The following CTNNA3 variants were observed in gnomAD, a reference collection of about 807,000 sequenced individuals.
CTNNA3 encodes catenin alpha-3.
Under a neutral mutation model 95.7 loss-of-function variants are expected in CTNNA3, and 76 were observed. That is an observed-to-expected ratio of 0.79 (90% CI 0.66 to 0.96). CTNNA3 has a LOEUF of 0.96. Among genes scored for constraint, CTNNA3 ranks in the 40% least tolerant of loss-of-function variants. The probability of loss-of-function intolerance (pLI) is 0.00; values close to 1 mark genes in which losing one functional copy is unlikely to be tolerated. For missense variants in CTNNA3, 1,191 were observed against 1,089.8 expected, an observed-to-expected ratio of 1.09 and a Z score of -1.31; for synonymous variants, 431 against 374.4, an observed-to-expected ratio of 1.15 and a Z score of -1.74.
intron 10 of CTNNA3, among the ~76,000 whole-genome samples, chr10:66,551,000 A>G (rs1157101162): frequency 6.7e-6 from 1 of 149,828 alleles, no homozygotes; most frequent in Non-Finnish European, 1.5e-5. Flanking sequence ...CCACCAGATA[A>G]TTATTTTTTC....
intron 13 of CTNNA3, among the ~76,000 whole-genome samples, chr10:66,109,860 A>C: frequency 8.4e-6 from 1 of 119,352 alleles, no homozygotes; most frequent in East Asian, 2.2e-4. Context: ...CCTAAAACTT[A>C]AAGTACAAAA....
intron 6 of CTNNA3, among the ~76,000 whole-genome samples, chr10:67,205,879 T>G (rs1018316994): frequency 6.6e-6 from 1 of 152,200 alleles, no homozygotes. Flanking sequence ...TTGAAACGTA[T>G]GTAAATCTTC....
intron 13 of CTNNA3, among the ~76,000 whole-genome samples, chr10:66,278,451 G>T (rs905577656): frequency 1.3e-5 from 2 of 151,894 alleles, no homozygotes; most frequent in African/African-American, 4.8e-5. Flanking sequence ...AGAAATGGAA[G>T]TATTTATCTT....
intron 9 of CTNNA3, among the ~76,000 whole-genome samples, chr10:66,636,651 A>G (rs2132362214): frequency 6.6e-6 from 1 of 152,280 alleles, no homozygotes; most frequent in South Asian, 2.1e-4. Flanking sequence ...ATTTAACCCA[A>G]CATTGCAAAT....
chr10:67,467,472 T>TTA (rs1847640813), intron 5 of CTNNA3, among the ~76,000 whole-genome samples: 1 of 151,410 alleles, frequency 6.6e-6, no homozygotes, highest in African/African-American at 2.4e-5. Flanking sequence ...TTGCTTTTTT[T>TTA]AAAAAAAAAT....
chr10:67,558,156 T>C (rs1841326346), intron 3 of CTNNA3, among the ~76,000 whole-genome samples: 1 of 152,226 alleles, frequency 6.6e-6, no homozygotes. Flanking sequence ...TGCATCTTTT[T>C]TGCAGAACCT....
At chr10:67,487,349 G>A (rs1419127680) in intron 5 of CTNNA3, among the ~76,000 whole-genome samples, 1 of 152,164 alleles carries the variant, frequency 6.6e-6, no homozygotes, top group East Asian at 1.9e-4. Context: ...CCTCCTGTGT[G>A]TTGATTAAGC....
At chr10:67,473,179 C>G (rs1847889728) in intron 5 of CTNNA3, among the ~76,000 whole-genome samples, 1 of 152,158 alleles carries the variant, frequency 6.6e-6, no homozygotes, top group Non-Finnish European at 1.5e-5. Flanking sequence ...TTAACTATTA[C>G]AATCTGGCTA....
chr10:67,233,165 T>C (rs1306796797), intron 5 of CTNNA3, among the ~76,000 whole-genome samples: 2 of 152,330 alleles, frequency 1.3e-5, no homozygotes, highest in African/African-American at 4.8e-5. Context: ...GCGGACCTAA[T>C]AGACATCTAC....
At chr10:67,197,589 C>G (rs1484531570) in intron 6 of CTNNA3, among the ~76,000 whole-genome samples, 1 of 152,086 alleles carries the variant, frequency 6.6e-6, no homozygotes, top group African/African-American at 2.4e-5. Flanking sequence ...ATAACAGCAT[C>G]CTTCAGATGT....
In CTNNA3 at chr10:66,773,660, A is replaced by T. The variant is rs145324567; in HGVS notation, c.1128+1784T>A. Among the ~76,000 whole-genome samples the T allele has an allele frequency of 1.2e-4, 18 of 152,304 alleles. No homozygotes were observed. In the East Asian group the frequency reaches 2.5e-3, roughly 21 times the overall value. ...ATCGTGAGATGCAAATATCGTTGCT[A>T]CTGTTTGTGGTGGTTTGTTAAACAC... On this transcript the variant is annotated intron_variant, in intron 8 of 17. Coordinates refer to ENST00000433211, the MANE Select transcript of CTNNA3 (RefSeq NM_013266.4).
rs142194089 is a variant in CTNNA3 at position 67,473,846 on chromosome 10, T to C, written c.579+47996A>G. Reference sequence around the variant, plus strand: ...TATATGGGAGGATGTGTATAGGCTATGTGAAATTAAATAATTCAAATTTAA... The same window carrying C: ...TATATGGGAGGATGTGTATAGGCTACGTGAAATTAAATAATTCAAATTTAA... On this transcript the variant is annotated intron_variant, in intron 5 of 17. Transcript: ENST00000433211. Among the ~76,000 whole-genome samples, 682 of 152,332 alleles carry C rather than the reference T, an allele frequency of 4.5e-3. 1 individual carries two copies. Among genetic ancestry groups the C allele is most frequent in the Non-Finnish European group, 6.2e-3 (423 of 68,022 alleles).
At chr10:66,057,059 C>T (rs1303730036) in intron 15 of CTNNA3, among the ~76,000 whole-genome samples, 1 of 152,156 alleles carries the variant, frequency 6.6e-6, no homozygotes. Flanking sequence ...CCTATTTAGT[C>T]TACCTGAAAC....
chr10:66,176,182 G>A lies in CTNNA3; in HGVS notation c.1885-72933C>T, dbSNP rs543813691. 3.3e-5 allele frequency among the ~76,000 whole-genome samples: 5 copies of A among 152,218 alleles called. No homozygotes were observed. The South Asian group carries it at 6.2e-4, about 19-fold the overall frequency. ...CATGTGTGCACACACATACGTGTGC[G>A]CACATGTATTTGTGAAAGAGTATAA... On this transcript the variant is annotated intron_variant, in intron 13 of 17. Transcript: ENST00000433211.
At chr10:66,365,672 C>T (rs142800201) in intron 12 of CTNNA3, among the ~76,000 whole-genome samples, 100 of 152,152 alleles carry the variant, frequency 6.6e-4, no homozygotes, top group African/African-American at 2.2e-3. Flanking sequence ...ATGCCCTATT[C>T]GCTTCTAACA....
At chr10:67,680,761 T>C (rs1322994979) in intron 1 of CTNNA3, among the ~76,000 whole-genome samples, 1 of 152,200 alleles carries the variant, frequency 6.6e-6, no homozygotes, top group Admixed American at 6.5e-5. Flanking sequence ...TATAAATGAC[T>C]TTTTAAAAAA....
chr10:67,034,616 A>G (rs1419987539), intron 7 of CTNNA3, among the ~76,000 whole-genome samples: 1 of 152,174 alleles, frequency 6.6e-6, no homozygotes, highest in Non-Finnish European at 1.5e-5. Context: ...CTAATAACCT[A>G]CAAATAAATT....
chr10:66,496,867 T>G (rs1382599688), intron 11 of CTNNA3, among the ~76,000 whole-genome samples: 2 of 152,118 alleles, frequency 1.3e-5, no homozygotes, highest in Admixed American at 6.5e-5. Context: ...AAAAATTCAT[T>G]TTCTCACATT....
chr10:67,065,680 G>A (rs926458750), intron 7 of CTNNA3, among the ~76,000 whole-genome samples: 9 of 151,990 alleles, frequency 5.9e-5, no homozygotes, highest in African/African-American at 2.2e-4. Context: ...CCCCAAGCAT[G>A]AGCCACGGGA....
Sources: allele counts gnomAD v4.1 joint callset (sites outside exome capture counted in the v4.1 genomes callset), GRCh38; gene constraint gnomAD v4.1.1; transcripts MANE v1.5; gene names NCBI Gene and HGNC (gene_info 2026-07-23, HGNC 2026-07-21).